The following LOC128462377 variants were observed in gnomAD, a reference collection of about 807,000 sequenced individuals.
the LOC128462377 span, among the ~76,000 whole-genome samples, chr16:89,383,417 T>C: frequency 6.6e-6 from 1 of 152,220 alleles, no homozygotes; most frequent in Non-Finnish European, 1.5e-5. Flanking sequence ...CCCCACACTC[T>C]GGGAGAATGT....
the LOC128462377 span, among the ~76,000 whole-genome samples, chr16:89,365,588 T>G: frequency 9.8e-5 from 15 of 152,310 alleles, no homozygotes; most frequent in African/African-American, 3.6e-4. Context: ...TGTGTATGCC[T>G]TAATAATTGA....
At chr16:89,335,940 G>A in the LOC128462377 span, among the ~76,000 whole-genome samples, 384 of 152,342 alleles carry the variant, frequency 2.5e-3, 1 homozygote, top group African/African-American at 8.8e-3. Context: ...GGCATCCGCC[G>A]CAAACATGAC....
the LOC128462377 span, among the ~76,000 whole-genome samples, chr16:89,387,904 G>A: frequency 6.6e-6 from 1 of 150,572 alleles, no homozygotes; most frequent in Admixed American, 6.6e-5. Flanking sequence ...CAACTACTGG[G>A]GAGACTGAGG....
the LOC128462377 span, among the ~76,000 whole-genome samples, chr16:89,418,033 A>G: frequency 2.0e-5 from 3 of 152,222 alleles, no homozygotes; most frequent in Non-Finnish European, 2.9e-5. Flanking sequence ...GGCTATTAAC[A>G]ACCTATTTAA....
At chr16:89,386,332 A>C in the LOC128462377 span, among the ~76,000 whole-genome samples, 624 of 152,120 alleles carry the variant, frequency 4.1e-3, 2 homozygotes, top group African/African-American at 0.015. Flanking sequence ...CTCCCTTCTG[A>C]GGGCAGCACG....
chr16:89,379,181 G>C, the LOC128462377 span, among the ~76,000 whole-genome samples: 1 of 152,248 alleles, frequency 6.6e-6, no homozygotes, highest in African/African-American at 2.4e-5. Context: ...GCCATTCTGG[G>C]AGCTGCTGGC....
the LOC128462377 span, among the ~76,000 whole-genome samples, chr16:89,365,660 G>T: frequency 6.6e-6 from 1 of 152,128 alleles, no homozygotes; most frequent in African/African-American, 2.4e-5. Context: ...GCCTTTTACC[G>T]CAATTCTTCC....
the LOC128462377 span, chr16:89,324,873 T>C: frequency 7.6e-6 from 2 of 261,806 alleles, no homozygotes; most frequent in Non-Finnish European, 1.5e-5. Context: ...CTTCACCTCA[T>C]GACTGTGTGA....
chr16:89,384,874 G>GTTTTTTTTTTTTTTTTTTTTTT, the LOC128462377 span, among the ~76,000 whole-genome samples: 3 of 72,750 alleles, frequency 4.1e-5, no homozygotes, highest in African/African-American at 1.1e-4. Flanking sequence ...ATGAGAAATA[G>GTTTTTTTTTTTTTTTTTTTTTT]TTTTCTTTTT....
At chr16:89,406,364 G>A in the LOC128462377 span, among the ~76,000 whole-genome samples, 2 of 152,176 alleles carry the variant, frequency 1.3e-5, no homozygotes, top group East Asian at 1.9e-4. Flanking sequence ...CCTGGGCCTC[G>A]GCCACACTCC....
the LOC128462377 span, among the ~76,000 whole-genome samples, chr16:89,345,004 G>A: frequency 6.0e-3 from 913 of 152,296 alleles, 11 homozygotes; most frequent in African/African-American, 0.021. Flanking sequence ...AGAAGCAGGC[G>A]CAGATGAGGC....
the LOC128462377 span, among the ~76,000 whole-genome samples, chr16:89,389,834 C>A: frequency 1.6e-5 from 2 of 124,262 alleles, no homozygotes; most frequent in South Asian, 5.5e-4. Context: ...GGGCAAACAC[C>A]GAGTGTGGCG....
At chr16:89,387,707 AAAAG>A in the LOC128462377 span, among the ~76,000 whole-genome samples, 1 of 138,796 alleles carries the variant, frequency 7.2e-6, no homozygotes, top group Non-Finnish European at 1.6e-5. Flanking sequence ...AAAAAAAAAA[AAAAG>A]ACTGTGCTTG....
At chr16:89,384,879 C>CTTTTTGTTTTTTTTTTTTTTTTTTTTTT in the LOC128462377 span, among the ~76,000 whole-genome samples, 1 of 49,910 alleles carries the variant, frequency 2.0e-5, no homozygotes, top group Non-Finnish European at 3.5e-5. Context: ...AAATAGTTTT[C>CTTTTTGTTTTTTTTTTTTTTTTTTTTTT]TTTTTTTTTT....
chr16:89,400,714 GCCGGTC>G, the LOC128462377 span, among the ~76,000 whole-genome samples: 11 of 3,398 alleles, frequency 3.2e-3, 2 homozygotes, highest in Non-Finnish European at 5.6e-3. Context: ...TGCGCTGGGG[GCCGGTC>G]ATCTGCTGCC....
the LOC128462377 span, among the ~76,000 whole-genome samples, chr16:89,351,129 G>T: frequency 6.6e-6 from 1 of 152,204 alleles, no homozygotes; most frequent in African/African-American, 2.4e-5. Flanking sequence ...AGAATGCACG[G>T]GAGTGGACGA....
the LOC128462377 span, among the ~76,000 whole-genome samples, chr16:89,362,001 G>A: frequency 1.3e-5 from 2 of 152,186 alleles, no homozygotes; most frequent in African/African-American, 4.8e-5. Context: ...CCAGGCAGGA[G>A]GACCCTGAAT....
chr16:89,359,816 A>T, the LOC128462377 span, among the ~76,000 whole-genome samples: 1 of 152,218 alleles, frequency 6.6e-6, no homozygotes, highest in South Asian at 2.1e-4. Flanking sequence ...GATAGTTTTT[A>T]TTCAATTCTT....
chr16:89,353,954 A>G, the LOC128462377 span, among the ~76,000 whole-genome samples: 1 of 152,164 alleles, frequency 6.6e-6, no homozygotes, highest in Non-Finnish European at 1.5e-5. Flanking sequence ...AGAGATGGAG[A>G]CATAAAGGCG....
Sources: allele counts gnomAD v4.1 joint callset (sites outside exome capture counted in the v4.1 genomes callset), GRCh38; gene constraint gnomAD v4.1.1; transcripts MANE v1.5.